Variants in KRT3 observed in about 807,000 individuals in gnomAD.
The protein encoded by KRT3 is keratin, type II cytoskeletal 3.
In KRT3, 34 loss-of-function variants were observed where a neutral mutation model predicts 45.8. The ratio of observed to expected loss-of-function variants is 0.74; its 90% confidence interval spans 0.57 to 0.99. KRT3 has a LOEUF of 0.99. Among genes scored for constraint, KRT3 ranks in the 50% least tolerant of loss-of-function variants. The probability of loss-of-function intolerance (pLI) is 0.00; values close to 1 mark genes in which losing one functional copy is unlikely to be tolerated. For synonymous variants in KRT3, 367 were observed against 329.0 expected, an observed-to-expected ratio of 1.12 and a Z score of -1.25; for missense variants, 828 against 820.6, an observed-to-expected ratio of 1.01 and a Z score of -0.11.
chr12:52,793,208 G>A lies in KRT3; in HGVS notation c.882C>T (p.Ile294=). 1 of 1,607,698 alleles carries A rather than the reference G, an allele frequency of 6.2e-7. No homozygotes were observed. Among genetic ancestry groups the A allele is most frequent in the Non-Finnish European group, 8.5e-7 (1 of 1,176,628 alleles). Residue 294 remains isoleucine, a synonymous_variant, in exon 3 of 9, where the codon ATC becomes ATT. Coordinates refer to ENST00000417996, the MANE Select transcript of KRT3 (RefSeq NM_057088.3). ...CATTCTCAGCAGCTGTACGTTTATT[G>A]ATTTCATCCTCATATCTGTGTGAAT... ...EDFKKKYEDE[I]NKRTAAENEF... is the part of the protein sequence containing the mutation.
Position 52,791,677 on chromosome 12 carries a change from C to T in KRT3, c.1314+14G>A. On this transcript the variant is annotated intron_variant, in intron 6 of 8. Transcript: ENST00000417996. ...AGCAATCATCCCAGGTGCCAGCATCCATGACCATCCCACCTGCTTCTTGAC... is the reference window on the plus strand; with the variant it reads ...AGCAATCATCCCAGGTGCCAGCATCTATGACCATCCCACCTGCTTCTTGAC... 1.9e-6 allele frequency: 3 copies of T among 1,614,076 alleles called. No homozygotes were observed. The highest frequency in any genetic ancestry group is 2.5e-6 in the Non-Finnish European group (3 of 1,179,948).
intron 2 of KRT3, among the ~76,000 whole-genome samples, chr12:52,793,491 A>T (rs1939572961): frequency 6.6e-6 from 1 of 152,220 alleles, no homozygotes; most frequent in East Asian, 1.9e-4. Flanking sequence ...GTTGATCACC[A>T]TACCATGAGT....
rs1939492005 is a variant in KRT3 at position 52,791,356 on chromosome 12, G to A, written c.1385C>T (p.Ala462Val). The A allele has an allele frequency of 2.5e-6, 4 of 1,614,236 alleles. No individual in the cohort carries two copies. The highest frequency in any genetic ancestry group is 3.4e-6 in the Non-Finnish European group (4 of 1,180,036). The change falls in exon 7 of 9, where the codon GCC becomes GTC. Residue 462 changes from alanine to valine, a missense_variant. Physicochemically the swap from Ala to Val is moderately conservative, Grantham distance 64. Coordinates refer to ENST00000417996, the MANE Select transcript of KRT3 (RefSeq NM_057088.3). ...AGCAGCCTGCAGCTCTTGGAGCTTG[G>A]CATTGGCATCCTTGAGGGCCATCTC... Reference protein sequence around the residue: ...HGEMALKDANAKLQELQAALQ... With the variant: ...HGEMALKDANVKLQELQAALQ...
At position 52,795,414 on chromosome 12, in the gene KRT3, G is replaced by C. The variant is rs1939613211; in HGVS notation, c.629C>G (p.Ala210Gly). The change falls in exon 1 of 9, where the codon GCC (alanine) becomes GGC (glycine). Residue 210 changes from alanine to glycine, a missense_variant. Physicochemically the swap from Ala to Gly is moderately conservative, Grantham distance 60. Coordinates refer to ENST00000417996, the MANE Select transcript of KRT3 (RefSeq NM_057088.3). ...CTTCATTACCTTGTCAATGAAGGAG[G>C]CAAACTTGTTGTTGAGGGTCTTGAT... ...EQIKTLNNKF[A>G]SFIDKVRFLE... 31 of 1,614,156 alleles carry C rather than the reference G, an allele frequency of 1.9e-5. No individual in the cohort carries two copies. Among genetic ancestry groups the C allele is most frequent in the Non-Finnish European group, 2.6e-5 (31 of 1,180,024 alleles).
Position 52,790,340 on chromosome 12 carries a change from G to A in KRT3, c.1589C>T (p.Thr530Met), listed in dbSNP as rs1565677120. 1 of 1,596,068 alleles carries A rather than the reference G, an allele frequency of 6.3e-7. No individual in the cohort carries two copies. Among genetic ancestry groups the A allele is most frequent in the South Asian group, 1.1e-5 (1 of 87,680 alleles). ...AVSISVVSSS[T>M]TSASAGGYGG... ...ATAGCCACCTGCGGAGGCGGAAGTC[G>A]TGCTGCTGCTGACCACGGCTGTGGG... Residue 530 changes from threonine (T) to methionine (M), a missense_variant, in exon 9 of 9, where the codon ACG becomes ATG. Transcript: ENST00000417996.
Position 52,795,711 on chromosome 12 carries a change from C to T in KRT3, c.332G>A (p.Gly111Asp), listed in dbSNP as rs771174913. Residue 111 changes from glycine (G) to aspartate (D), a missense_variant, in exon 1 of 9, where the codon GGT becomes GAT. Coordinates refer to ENST00000417996, the MANE Select transcript of KRT3 (RefSeq NM_057088.3). ...YGGGFGGGFG[G>D]GRGMGGGFGG... ...AAAGCCACCTCCCATTCCTCTGCCA[C>T]CACCAAAGCCACCACCAAAGCCACC... 3.6e-5 allele frequency: 58 copies of T among 1,612,272 alleles called. No homozygotes were observed. Among genetic ancestry groups the T allele is most frequent in the Non-Finnish European group, 4.7e-5 (56 of 1,178,994 alleles).
At position 52,792,806 on chromosome 12, in the gene KRT3, C is replaced by G. The variant is rs761596093; in HGVS notation, c.928G>C (p.Asp310His). Residue 310 changes from aspartate (D) to histidine (H), a missense_variant and splice_region_variant, in exon 4 of 9, where the codon GAT (aspartate) becomes CAT (histidine). Coordinates refer to ENST00000417996, the MANE Select transcript of KRT3 (RefSeq NM_057088.3). ...AENEFVTLKK[D>H]VDSAYMNKVE... ...TTGTTCATATAGGCACTGTCCACAT[C>G]CTGAGAAAAGAGGAAGATAAAGGCC... 3 of 1,603,738 alleles carry G rather than the reference C, an allele frequency of 1.9e-6. No homozygotes were observed. The highest frequency in any genetic ancestry group is 1.1e-5 in the South Asian group (1 of 90,438).
chr12:52,791,210 AC>A lies in KRT3; in HGVS notation c.1530del (p.Glu510AspfsTer41). ...AAGACGGGACTGGAGGCTCACCTGT[AC>A]TCCTCGCCCTCCAGCAGCTTGCGGT... ...ATYRKLLEGE[E>X]YRMSGECPSA... On this transcript the variant is annotated frameshift_variant, in exon 7 of 9. Transcript: ENST00000417996. LOFTEE classifies it low-confidence loss of function (END_TRUNC). 1 of 1,613,826 alleles carries A rather than the reference AC, an allele frequency of 6.2e-7. No individual in the cohort carries two copies. Among genetic ancestry groups the A allele is most frequent in the Non-Finnish European group, 8.5e-7 (1 of 1,179,940 alleles).
At chr12:52,792,183 G>A in intron 5 of KRT3, 56 bp downstream of exon 5, 1 of 1,494,728 alleles carries the variant, frequency 6.7e-7, no homozygotes, top group Non-Finnish European at 9.3e-7. Context: ...CTGTCCAATA[G>A]GCCATGGCCT....
At position 52,792,697 on chromosome 12, in the gene KRT3, G is replaced by C; in HGVS notation, c.1023+14C>G. Reference sequence around the variant, plus strand: ...ACTCTCCCTCTGTCCCTTCTTAGTAGGTAACATCCTTACAGCGTCGTAGAG... The same window carrying C: ...ACTCTCCCTCTGTCCCTTCTTAGTACGTAACATCCTTACAGCGTCGTAGAG... On this transcript the variant is annotated intron_variant, in intron 4 of 8. Coordinates refer to ENST00000417996, the MANE Select transcript of KRT3 (RefSeq NM_057088.3). 6.4e-7 allele frequency: 1 copy of C among 1,565,172 alleles called. No homozygotes were observed. The highest frequency in any genetic ancestry group is 8.8e-7 in the Non-Finnish European group (1 of 1,135,560).
At position 52,790,142 on chromosome 12, in the gene KRT3, CG is replaced by C. The variant is rs1565676925; in HGVS notation, c.1786del (p.Arg596AlafsTer111). The part of the protein sequence containing the change: ...GSGFGSISGA[R>X]YGVSGGGFSS... ...GAAGCCCCCGCCACTGACTCCATAGCGGGCGCCAGAGATGGAGCCAAAGCCG... is the reference window on the plus strand; with the variant it reads ...GAAGCCCCCGCCACTGACTCCATAGCGGCGCCAGAGATGGAGCCAAAGCCG... On this transcript the variant is annotated frameshift_variant, in exon 9 of 9. Coordinates refer to ENST00000417996, the MANE Select transcript of KRT3 (RefSeq NM_057088.3). LOFTEE classifies it low-confidence loss of function (END_TRUNC). 1.4e-6 allele frequency: 2 copies of C among 1,474,750 alleles called. No individual in the cohort carries two copies. Among genetic ancestry groups the C allele is most frequent in the Non-Finnish European group, 9.1e-7 (1 of 1,094,354 alleles). The allele number at this position is 1,474,750 out of a possible 1,614,324, so 91.4% of individuals were successfully genotyped here. A position where few individuals can be genotyped will look rare whatever the true frequency, so the allele number is the denominator to read the frequency against.
rs751427560 is a variant in KRT3, at chr12:52,792,422, C to T, written c.1024-19G>A. On this transcript the variant is annotated intron_variant, in intron 4 of 8. Coordinates refer to ENST00000417996, the MANE Select transcript of KRT3 (RefSeq NM_057088.3). ...ATAGCTCCTGTCAACACAGAGGGAG[C>T]TTGTTCACTTTTGGGGTCCCTGTAA... is the stretch of plus-strand genomic sequence containing the variant. The T allele has an allele frequency of 3.1e-6, 5 of 1,612,484 alleles. No homozygotes were observed. The highest frequency in any genetic ancestry group is 3.3e-4 in the Middle Eastern group (2 of 6,038).
At chr12:52,792,528 C>T (rs1376337402) in intron 4 of KRT3, 125 bp from the exon 5 acceptor site, 2 of 1,070,644 alleles carry the variant, frequency 1.9e-6, no homozygotes, top group African/African-American at 1.6e-5. Context: ...TCAGCCACAC[C>T]CTGTCCGCAG....
chr12:52,791,512 T>C (rs1939501675), intron 6 of KRT3, 86 bp from the exon 7 acceptor site: 4 of 1,483,400 alleles, frequency 2.7e-6, no homozygotes, highest in Non-Finnish European at 3.7e-6. Flanking sequence ...CATCTTAAAG[T>C]CAGGGAACAT....
At position 52,794,647 on chromosome 12, in the gene KRT3, C is replaced by G. The variant is rs1043883876; in HGVS notation, c.646-316G>C. Among the ~76,000 whole-genome samples the G allele has an allele frequency of 4.6e-5, 7 of 152,200 alleles. No individual in the cohort carries two copies. The East Asian group carries it at 1.3e-3, about 29-fold the overall frequency. The stretch of plus-strand genomic sequence containing the variant: ...TTAACTTCCAAAACCACAGTACACT[C>G]TACAAAAATGCACATAAACCTCAGC... On this transcript the variant is annotated intron_variant, in intron 1 of 8. Transcript: ENST00000417996.
chr12:52,794,098 C>A lies in KRT3; in HGVS notation c.866+13G>T. 6.2e-7 allele frequency: 1 copy of A among 1,606,262 alleles called. No individual in the cohort carries two copies. Among genetic ancestry groups the A allele is most frequent in the Non-Finnish European group, 8.5e-7 (1 of 1,173,114 alleles). ...GGGCCATGGCATCTTCCCACTCCTG[C>A]CCTGTCACTCACTTCTTCTTGAAGT... On this transcript the variant is annotated intron_variant, in intron 2 of 8. Coordinates refer to ENST00000417996, the MANE Select transcript of KRT3 (RefSeq NM_057088.3).
chr12:52,792,063 T>C (rs4919751), intron 5 of KRT3, among the ~76,000 whole-genome samples, 176 bp downstream of exon 5: 135,717 of 152,246 alleles, frequency 0.89, 60,754 homozygotes, highest in African/African-American at 0.97. Flanking sequence ...CAGGCAACCA[T>C]CTCCCCCAGG....
rs1391912652 is a variant in KRT3, at chr12:52,795,599, G to A, written c.444C>T (p.Gly148=). 2 of 1,597,986 alleles carry A rather than the reference G, an allele frequency of 1.3e-6. No homozygotes were observed. The highest frequency in any genetic ancestry group is 2.3e-5 in the East Asian group (1 of 43,846). The change falls in exon 1 of 9, where the codon GGC becomes GGT. Residue 148 remains glycine (G), a synonymous_variant. Coordinates refer to ENST00000417996, the MANE Select transcript of KRT3 (RefSeq NM_057088.3). The part of the protein sequence containing the change: ...GGPGGFGGSG[G]FGGPGSLGSP... ...TGCCCAAGCTGCCAGGCCCACCAAA[G>A]CCACCAGACCCACCAAAGCCACCAG...
chr12:52,794,599 C>G (rs977605205), intron 1 of KRT3, among the ~76,000 whole-genome samples: 9 of 152,190 alleles, frequency 5.9e-5, no homozygotes, highest in Non-Finnish European at 1.0e-4. Flanking sequence ...GCTTGTTGTT[C>G]CTGGGAACTT....
Sources: allele counts gnomAD v4.1 joint callset (sites outside exome capture counted in the v4.1 genomes callset), GRCh38; gene constraint gnomAD v4.1.1; transcripts MANE v1.5; gene names NCBI Gene and HGNC (gene_info 2026-07-23, HGNC 2026-07-21).